The following PAAF1 variants were observed in gnomAD, a reference collection of about 807,000 sequenced individuals.
The protein encoded by PAAF1 is proteasomal ATPase associated factor 1.
A neutral mutation model predicts 52.8 loss-of-function variants in PAAF1; 46 were observed. The observed-to-expected ratio is 0.87, with a 90% CI of 0.69 to 1.11. The LOEUF is 1.11. Ranked by LOEUF, PAAF1 falls within the 50% of genes most tolerant of loss-of-function variation. PAAF1 has a pLI of 0.00. For synonymous variants in PAAF1, 178 were observed against 172.8 expected (o/e 1.03, Z -0.24); for missense variants, 424 against 477.4 (o/e 0.89, Z 1.04).
At chr11:73,918,352 ATTTTTTTTTTTTTTTTT>A (rs1157984685) in intron 9 of PAAF1, among the ~76,000 whole-genome samples, 5 of 71,734 alleles carry the variant, frequency 7.0e-5, no homozygotes, top group Non-Finnish European at 1.0e-4. Context: ...CAGTTACTTA[ATTTTTTTTTTTTTTTTT>A]TTTTTTTTTT....
chr11:73,916,677 T>G lies in PAAF1; in HGVS notation c.935+17T>G. 6.3e-7 allele frequency: 1 copy of G among 1,581,794 alleles called. No individual in the cohort carries two copies. Among genetic ancestry groups the G allele is most frequent in the Non-Finnish European group, 8.7e-7 (1 of 1,151,256 alleles). On this transcript the variant is annotated intron_variant, in intron 9 of 11. Coordinates refer to ENST00000310571, the MANE Select transcript of PAAF1 (RefSeq NM_025155.3). Reference sequence around the variant, plus strand: ...GAGTCCAAGGTGAGTCACCATTCATTTACATGATGCAGGTCTTCTGCAGAG... The same window carrying G: ...GAGTCCAAGGTGAGTCACCATTCATGTACATGATGCAGGTCTTCTGCAGAG...
chr11:73,878,841 T>C (rs902527879), intron 2 of PAAF1, 22 bp downstream of exon 2: 1 of 1,609,594 alleles, frequency 6.2e-7, no homozygotes, highest in Non-Finnish European at 8.5e-7. Context: ...GAATTATATA[T>C]GCTGTGACTT....
intron 9 of PAAF1, among the ~76,000 whole-genome samples, chr11:73,918,308 T>C (rs906631335): frequency 4.7e-5 from 7 of 150,396 alleles, no homozygotes; most frequent in African/African-American, 1.7e-4. Flanking sequence ...TTCCAGTAGA[T>C]GGTGACTAGC....
intron 6 of PAAF1, among the ~76,000 whole-genome samples, chr11:73,902,719 T>A (rs762378132): frequency 6.6e-6 from 1 of 152,148 alleles, no homozygotes; most frequent in Non-Finnish European, 1.5e-5. Context: ...TTTTTTGAGA[T>A]GGAGTCTCAC....
intron 5 of PAAF1, among the ~76,000 whole-genome samples, chr11:73,899,942 C>T (rs568813267): frequency 2.9e-4 from 44 of 152,086 alleles, no homozygotes; most frequent in Non-Finnish European, 6.0e-4. Context: ...GTGAAAAAGT[C>T]CCCAAGCCAC....
intron 8 of PAAF1, 92 bp downstream of exon 8, chr11:73,914,596 C>T (rs1434298313): frequency 3.9e-6 from 4 of 1,023,472 alleles, no homozygotes; most frequent in Non-Finnish European, 6.0e-6. Context: ...CTACTTGCTC[C>T]CTGTGTTCAC....
intron 2 of PAAF1, among the ~76,000 whole-genome samples, chr11:73,883,136 T>C (rs1291177470): frequency 4.6e-5 from 7 of 151,996 alleles, no homozygotes; most frequent in African/African-American, 1.7e-4. Context: ...CCTGTGTTTA[T>C]TTTTTAATAC....
chr11:73,896,921 G>C (rs1344790449), intron 4 of PAAF1, among the ~76,000 whole-genome samples: 4 of 145,080 alleles, frequency 2.8e-5, no homozygotes, highest in South Asian at 2.2e-4. Flanking sequence ...CTGGCCGGAC[G>C]GGGGGGCTGA....
At position 73,909,390 on chromosome 11, in the gene PAAF1, T is replaced by C. The variant is rs986727335; in HGVS notation, c.533-9T>C. 1 of 1,613,282 alleles carries C rather than the reference T, an allele frequency of 6.2e-7. No individual in the cohort carries two copies. The highest frequency in any genetic ancestry group is 8.5e-7 in the Non-Finnish European group (1 of 1,179,574). ...TCCTCCATCTTAGGGAGTTTTTTTC[T>C]CTTGCTAGGTATCCTGGATACAGCC... On this transcript the variant is annotated splice_polypyrimidine_tract_variant and intron_variant, in intron 6 of 11. Coordinates refer to ENST00000310571, the MANE Select transcript of PAAF1 (RefSeq NM_025155.3).
chr11:73,900,764 C>T (rs190885434), intron 6 of PAAF1, among the ~76,000 whole-genome samples: 6 of 151,986 alleles, frequency 3.9e-5, no homozygotes, highest in East Asian at 3.9e-4. Flanking sequence ...GGGCGGATCA[C>T]GAGGTCAGGA....
intron 2 of PAAF1, among the ~76,000 whole-genome samples, chr11:73,885,970 G>C (rs1002636969): frequency 6.6e-6 from 1 of 152,066 alleles, no homozygotes; most frequent in Non-Finnish European, 1.5e-5. Flanking sequence ...CACCCTGCTA[G>C]ACTTAAGGAC....
chr11:73,898,611 G>GT (rs1377487631), intron 4 of PAAF1, among the ~76,000 whole-genome samples: 1 of 152,154 alleles, frequency 6.6e-6, no homozygotes, highest in African/African-American at 2.4e-5. Flanking sequence ...GAGCTCAGGA[G>GT]TTTGAGACTA....
At position 73,927,747 on chromosome 11, in the gene PAAF1, T is replaced by C. The variant is rs967803190; in HGVS notation, c.*385T>C. ...TTGGAGGTGCCTGAATATGAAGAAC[T>C]TTGTTAAATACTCTTACTCCAGCAA... On this transcript the variant is annotated 3_prime_UTR_variant, in exon 12 of 12. Coordinates refer to ENST00000310571, the MANE Select transcript of PAAF1 (RefSeq NM_025155.3). 5.3e-6 allele frequency: 1 copy of C among 190,340 alleles called. No homozygotes were observed. Among genetic ancestry groups the C allele is most frequent in the African/African-American group, 2.4e-5 (1 of 42,540 alleles). 11.8% of individuals were successfully genotyped at this position (190,340 alleles called of 1,614,324 possible). A position where few individuals can be genotyped will look rare whatever the true frequency, so the allele number is the denominator to read the frequency against.
rs1418228034 is a variant in PAAF1, at chr11:73,927,455, G to A, written c.*93G>A. On this transcript the variant is annotated 3_prime_UTR_variant, in exon 12 of 12. Coordinates refer to ENST00000310571, the MANE Select transcript of PAAF1 (RefSeq NM_025155.3). ...ATCAGTCCTTCCCAAGGACCATGGC[G>A]TTTAATGTCTTGGGCACCCCTTGGA... is the stretch of plus-strand genomic sequence containing the variant. 3.2e-5 allele frequency: 35 copies of A among 1,083,046 alleles called. No individual in the cohort carries two copies. The highest frequency in any genetic ancestry group is 1.2e-4 in the Admixed American group (6 of 51,456). The allele number at this position is 1,083,046 out of a possible 1,614,324, so 67.1% of individuals were successfully genotyped here.
chr11:73,914,170 TA>T (rs1249976127), intron 7 of PAAF1, among the ~76,000 whole-genome samples: 1 of 152,248 alleles, frequency 6.6e-6, no homozygotes, highest in African/African-American at 2.4e-5. Flanking sequence ...TGGATACCAT[TA>T]AAAAACATTT....
intron 7 of PAAF1, among the ~76,000 whole-genome samples, chr11:73,913,558 C>T (rs955855355): frequency 3.9e-5 from 6 of 152,154 alleles, no homozygotes; most frequent in Non-Finnish European, 7.4e-5. Context: ...GAACTCATCA[C>T]TTTCTGAAAG....
intron 1 of PAAF1, among the ~76,000 whole-genome samples, chr11:73,877,596 G>A (rs1032710706): frequency 4.6e-5 from 7 of 152,128 alleles, no homozygotes; most frequent in African/African-American, 1.2e-4. Flanking sequence ...TCAAGAAGCT[G>A]ACATCCAGGC....
intron 10 of PAAF1, among the ~76,000 whole-genome samples, chr11:73,922,349 A>G (rs1353929089): frequency 2.0e-5 from 3 of 152,210 alleles, no homozygotes; most frequent in African/African-American, 4.8e-5. Context: ...ACTAAGACCA[A>G]TAAGAGAAAG....
chr11:73,924,508 C>A, intron 10 of PAAF1, 107 bp from the exon 11 acceptor site: 1 of 901,640 alleles, frequency 1.1e-6, no homozygotes, highest in Non-Finnish European at 1.7e-6. Context: ...GGTCTTTGGA[C>A]CATCTTCTTT....
Sources: gnomAD v4.1 joint callset for allele counts (sites outside exome capture counted in the v4.1 genomes callset) on GRCh38, gnomAD v4.1.1 for gene constraint, MANE v1.5 for transcripts, NCBI Gene and HGNC (gene_info 2026-07-23, HGNC 2026-07-21) for gene names.